Variants in PTPRD observed in about 807,000 individuals in gnomAD.
The protein encoded by PTPRD is receptor-type tyrosine-protein phosphatase delta.
PTPRD carries 34 observed loss-of-function variants against 214.5 expected under a neutral mutation model. That is an observed-to-expected ratio of 0.16 (90% confidence interval 0.12 to 0.21). The LOEUF (loss-of-function observed/expected upper bound fraction) is 0.21. PTPRD is among the 10% of genes least tolerant of loss of function. PTPRD has a pLI of 1.00. For missense variants in PTPRD, 2,545 were observed against 2,398.7 expected (o/e 1.06, Z -1.27); for synonymous variants, 1,128 against 845.7 (o/e 1.33, Z -5.79).
intron 8 of PTPRD, among the ~76,000 whole-genome samples, chr9:9,539,879 T>C (rs915871387): frequency 2.0e-5 from 3 of 151,952 alleles, no homozygotes; most frequent in Admixed American, 2.0e-4. Flanking sequence ...AAATCAATGG[T>C]TTTCAGCCCT....
intron 31 of PTPRD, among the ~76,000 whole-genome samples, chr9:8,467,002 C>T (rs7872008): frequency 0.065 from 9,880 of 151,812 alleles, 368 homozygotes; most frequent in South Asian, 0.096. Flanking sequence ...TACAGTCCCT[C>T]CTACACTGGG....
At chr9:9,048,049 G>T (rs1304595133) in intron 10 of PTPRD, among the ~76,000 whole-genome samples, 1 of 152,108 alleles carries the variant, frequency 6.6e-6, no homozygotes, top group Non-Finnish European at 1.5e-5. Context: ...ATAAGAAAAG[G>T]TGCTTGACAT....
intron 11 of PTPRD, among the ~76,000 whole-genome samples, chr9:8,819,970 C>T (rs890022626): frequency 4.6e-5 from 7 of 152,030 alleles, no homozygotes; most frequent in South Asian, 2.1e-4. Context: ...AGTTGAGTGC[C>T]CTTGTTTCAA....
At chr9:8,940,446 C>CTTTTTTTTTT (rs34288443) in intron 11 of PTPRD, among the ~76,000 whole-genome samples, 3 of 95,032 alleles carry the variant, frequency 3.2e-5, no homozygotes, top group Non-Finnish European at 6.0e-5. Flanking sequence ...CCACTCCCAG[C>CTTTTTTTTTT]TTTTTTTTTT....
chr9:10,411,559 C>T (rs940357547), intron 2 of PTPRD, among the ~76,000 whole-genome samples: 5 of 151,702 alleles, frequency 3.3e-5, no homozygotes, highest in East Asian at 2.0e-4. Context: ...CACCATCATC[C>T]TATGTTCCTA....
At chr9:9,466,973 A>G (rs1049827145) in intron 8 of PTPRD, among the ~76,000 whole-genome samples, 5 of 152,096 alleles carry the variant, frequency 3.3e-5, no homozygotes, top group African/African-American at 9.7e-5. Flanking sequence ...TTTTTGATTT[A>G]GCCGAATAGC....
chr9:9,582,494 G>C (rs1171163784), intron 7 of PTPRD, among the ~76,000 whole-genome samples: 1 of 152,020 alleles, frequency 6.6e-6, no homozygotes, highest in Non-Finnish European at 1.5e-5. Flanking sequence ...AGACTTGGAT[G>C]AATTATTTCT....
chr9:9,835,445 G>T (rs1006474446), intron 5 of PTPRD, among the ~76,000 whole-genome samples: 2 of 152,106 alleles, frequency 1.3e-5, no homozygotes, highest in African/African-American at 4.8e-5. Context: ...AAGAATCTCT[G>T]TTATTAAGAA....
intron 9 of PTPRD, among the ~76,000 whole-genome samples, chr9:9,315,088 A>T (rs1429505320): frequency 6.6e-6 from 1 of 152,052 alleles, no homozygotes; most frequent in East Asian, 1.9e-4. Flanking sequence ...TGTCATTTAG[A>T]ATTTTCATTG....
At chr9:10,257,094 T>C (rs1483025137) in intron 3 of PTPRD, among the ~76,000 whole-genome samples, 1 of 152,186 alleles carries the variant, frequency 6.6e-6, no homozygotes, top group Non-Finnish European at 1.5e-5. Flanking sequence ...TGTTAATTTT[T>C]CTTCACTGAG....
intron 37 of PTPRD, among the ~76,000 whole-genome samples, chr9:8,381,291 A>T (rs913855693): frequency 2.6e-5 from 4 of 152,206 alleles, no homozygotes; most frequent in African/African-American, 7.2e-5. Flanking sequence ...ATAATAAAGG[A>T]AAGTTTTAGA....
intron 11 of PTPRD, among the ~76,000 whole-genome samples, chr9:8,739,650 G>A (rs922075360): frequency 2.0e-5 from 3 of 152,122 alleles, no homozygotes; most frequent in African/African-American, 7.2e-5. Flanking sequence ...CCAATAACCA[G>A]ACACTAAAGA....
chr9:10,572,125 A>C (rs181038615), intron 2 of PTPRD, among the ~76,000 whole-genome samples: 1 of 152,292 alleles, frequency 6.6e-6, no homozygotes, highest in African/African-American at 2.4e-5. Flanking sequence ...AATGAAACAA[A>C]GCCATATTTT....
intron 14 of PTPRD, among the ~76,000 whole-genome samples, chr9:8,593,613 G>A (rs1389091034): frequency 6.6e-6 from 1 of 152,164 alleles, no homozygotes; most frequent in Admixed American, 6.5e-5. Flanking sequence ...TATCTTAATA[G>A]CAGAAATGTC....
rs530634415 is a variant in PTPRD at position 9,983,055 on chromosome 9, T to C, written c.-471-44445A>G. Among the ~76,000 whole-genome samples, 242 of 64,400 alleles carry C rather than the reference T, an allele frequency of 3.8e-3. 3 individuals are homozygous for C. Among genetic ancestry groups the C allele is most frequent in the African/African-American group, 1.0e-2 (231 of 23,202 alleles). The allele number at this position is 64,400 out of a possible 152,430, so 42.2% of individuals were successfully genotyped here. On this transcript the variant is annotated intron_variant, in intron 4 of 45. Transcript: ENST00000381196. ...GTGTAAATCAAATACTTAAATATGT[T>C]ATACCAAAAAAAAAAAAAAACTTTA... is the stretch of plus-strand genomic sequence containing the variant.
At chr9:9,629,780 C>T (rs1290178835) in intron 7 of PTPRD, among the ~76,000 whole-genome samples, 1 of 152,072 alleles carries the variant, frequency 6.6e-6, no homozygotes, top group African/African-American at 2.4e-5. Context: ...CCGCTAGAGA[C>T]AGGTGATTAA....
intron 3 of PTPRD, among the ~76,000 whole-genome samples, chr9:10,111,048 A>G (rs1056415223): frequency 3.9e-5 from 6 of 152,108 alleles, no homozygotes; most frequent in African/African-American, 1.4e-4. Flanking sequence ...TACTTTCTGT[A>G]TGGCTTTATA....
intron 2 of PTPRD, among the ~76,000 whole-genome samples, chr9:10,404,465 T>C (rs1213543174): frequency 6.6e-6 from 1 of 151,774 alleles, no homozygotes; most frequent in Non-Finnish European, 1.5e-5. Context: ...TATTTGATTT[T>C]TTCAAAAGTA....
At chr9:10,501,651 C>A (rs1388028277) in intron 2 of PTPRD, among the ~76,000 whole-genome samples, 1 of 151,912 alleles carries the variant, frequency 6.6e-6, no homozygotes, top group African/African-American at 2.4e-5. Flanking sequence ...GACAAAGGGA[C>A]AGTATTCTTA....
Sources: gnomAD v4.1 joint callset for allele counts (sites outside exome capture counted in the v4.1 genomes callset) on GRCh38, gnomAD v4.1.1 for gene constraint, MANE v1.5 for transcripts, NCBI Gene and HGNC (gene_info 2026-07-23, HGNC 2026-07-21) for gene names.